CCDC91: variants seen among roughly 807,000 people sequenced by gnomAD.
CCDC91 encodes the protein coiled-coil domain-containing protein 91.
CCDC91 carries 48 observed loss-of-function variants against 63.2 expected under a neutral mutation model. The observed-to-expected ratio is 0.76, with a 90% CI of 0.60 to 0.97. CCDC91 has a LOEUF of 0.97. Among genes scored for constraint, CCDC91 ranks in the 50% least tolerant of loss-of-function variants. The probability of loss-of-function intolerance (pLI) is 0.00; values close to 1 mark genes in which losing one functional copy is unlikely to be tolerated. For synonymous variants in CCDC91, 167 were observed against 165.8 expected (o/e 1.01, Z -0.06); for missense variants, 500 against 494.6 (o/e 1.01, Z -0.10).
rs1458001801 is a variant in CCDC91 at position 28,442,303 on chromosome 12, A to G, written c.763-7858A>G. 5.9e-5 allele frequency among the ~76,000 whole-genome samples: 9 copies of G among 152,136 alleles called. No homozygotes were observed. The South Asian group carries it at 8.3e-4, about 14-fold the overall frequency. ...TCAGGCATTCATGAAAATTCGTGAC[A>G]TATTTTACTTAGAACCACATTGTTA... On this transcript the variant is annotated intron_variant, in intron 8 of 12. Transcript: ENST00000536442.
Position 28,372,496 on chromosome 12 carries a change from CTTTTTT to C in CCDC91, c.654+9984_654+9989del, listed in dbSNP as rs1157606240. Among the ~76,000 whole-genome samples the C allele has an allele frequency of 6.7e-3, 1,017 of 151,910 alleles. 14 individuals are homozygous for C. The highest frequency in any genetic ancestry group is 0.023 in the African/African-American group (941 of 41,444). On this transcript the variant is annotated intron_variant, in intron 7 of 12. Coordinates refer to ENST00000536442, the MANE Select transcript of CCDC91 (RefSeq NM_018318.5). Reference sequence around the variant, plus strand: ...TTCTCATTTGTTTGTGTCATTAATGCTTTTTTTTAAAATTTTTTAGCAGTGTTTTGT... The same window carrying C: ...TTCTCATTTGTTTGTGTCATTAATGCTTAAAATTTTTTAGCAGTGTTTTGT...
intron 1 of CCDC91, among the ~76,000 whole-genome samples, chr12:28,218,445 C>T (rs565486197): frequency 7.0e-6 from 1 of 143,166 alleles, no homozygotes; most frequent in South Asian, 2.3e-4. Context: ...AATAACTCCT[C>T]AAGCTGGAAG....
At chr12:28,229,113 T>C (rs1199072917) in intron 1 of CCDC91, among the ~76,000 whole-genome samples, 1 of 151,938 alleles carries the variant, frequency 6.6e-6, no homozygotes, top group East Asian at 1.9e-4. Context: ...AATCAAACTG[T>C]ATTATGGGCA....
chr12:28,264,619 G>GTGTA (rs1314836532), intron 3 of CCDC91, among the ~76,000 whole-genome samples: 32 of 150,628 alleles, frequency 2.1e-4, no homozygotes, highest in African/African-American at 7.1e-4. Flanking sequence ...GTGTGTGTGT[G>GTGTA]TATTCTGATT....
intron 4 of CCDC91, 80 bp downstream of exon 4, chr12:28,305,886 C>G: frequency 1.7e-6 from 2 of 1,194,362 alleles, no homozygotes; most frequent in Non-Finnish European, 2.4e-6. Context: ...TTTTTAATTT[C>G]TTTTTTAGCC....
At chr12:28,451,616 G>A (rs1229813928) in intron 10 of CCDC91, among the ~76,000 whole-genome samples, 1 of 151,588 alleles carries the variant, frequency 6.6e-6, no homozygotes, top group Non-Finnish European at 1.5e-5. Flanking sequence ...TCAGCATCTG[G>A]AGAAGACATG....
chr12:28,500,833 C>G (rs1255244022), intron 12 of CCDC91, among the ~76,000 whole-genome samples: 2 of 151,662 alleles, frequency 1.3e-5, no homozygotes, highest in African/African-American at 2.4e-5. Flanking sequence ...TGCCCTCCCC[C>G]TATTATCTCT....
intron 2 of CCDC91, among the ~76,000 whole-genome samples, chr12:28,257,802 A>C (rs544611023): frequency 2.0e-5 from 3 of 152,112 alleles, no homozygotes; most frequent in Non-Finnish European, 4.4e-5. Context: ...ATGTGTGTTC[A>C]TTTTATTGAA....
At chr12:28,495,827 C>A (rs562319098) in intron 12 of CCDC91, among the ~76,000 whole-genome samples, 1 of 151,702 alleles carries the variant, frequency 6.6e-6, no homozygotes, top group Non-Finnish European at 1.5e-5. Flanking sequence ...AATGTTGGGC[C>A]ACTGAAAGTC....
At chr12:28,352,149 T>C (rs1311994101) in intron 6 of CCDC91, among the ~76,000 whole-genome samples, 1 of 152,244 alleles carries the variant, frequency 6.6e-6, no homozygotes, top group African/African-American at 2.4e-5. Flanking sequence ...AAAATGCTTA[T>C]TGCTAAAACA....
chr12:28,400,240 A>G (rs1358285766), intron 8 of CCDC91, among the ~76,000 whole-genome samples: 1 of 152,090 alleles, frequency 6.6e-6, no homozygotes, highest in African/African-American at 2.4e-5. Flanking sequence ...TGGGGCTTGC[A>G]CCTTCTGAAG....
chr12:28,273,753 C>T (rs1416008248), intron 3 of CCDC91, among the ~76,000 whole-genome samples: 21 of 152,014 alleles, frequency 1.4e-4, no homozygotes, highest in East Asian at 5.8e-4. Context: ...CTTTGTCAGA[C>T]GAGTAGATTG....
At chr12:28,525,472 A>G (rs1391216082) in intron 12 of CCDC91, among the ~76,000 whole-genome samples, 1 of 152,128 alleles carries the variant, frequency 6.6e-6, no homozygotes, top group Non-Finnish European at 1.5e-5. Flanking sequence ...AGTGCTTGAT[A>G]TAATTTCAAT....
chr12:28,448,441 G>A (rs1431668558), intron 8 of CCDC91, among the ~76,000 whole-genome samples: 1 of 152,110 alleles, frequency 6.6e-6, no homozygotes, highest in Non-Finnish European at 1.5e-5. Flanking sequence ...TTTCAGGTTT[G>A]TTCTTACACA....
Position 28,275,551 on chromosome 12 carries a change from G to A in CCDC91, c.109+16109G>A, listed in dbSNP as rs183064720. 5.3e-5 allele frequency among the ~76,000 whole-genome samples: 8 copies of A among 152,036 alleles called. No homozygotes were observed. The East Asian group carries it at 1.4e-3, about 26-fold the overall frequency. On this transcript the variant is annotated intron_variant, in intron 3 of 12. Transcript: ENST00000536442. Reference sequence around the variant, plus strand: ...GAATTCTACCAGAGGTACAAGGAGGGGCTGATACCATTCCTTCTGAAACTA... The same window carrying A: ...GAATTCTACCAGAGGTACAAGGAGGAGCTGATACCATTCCTTCTGAAACTA...
intron 6 of CCDC91, among the ~76,000 whole-genome samples, chr12:28,310,906 C>G (rs1939254602): frequency 6.6e-6 from 1 of 151,964 alleles, no homozygotes; most frequent in African/African-American, 2.4e-5. Context: ...AAAATGTCAT[C>G]TCAGTGTTAC....
chr12:28,355,166 C>T (rs1468051215), intron 6 of CCDC91, among the ~76,000 whole-genome samples: 1 of 152,030 alleles, frequency 6.6e-6, no homozygotes, highest in Non-Finnish European at 1.5e-5. Context: ...CCTTTCAAGG[C>T]TCCATGCCTT....
intron 12 of CCDC91, among the ~76,000 whole-genome samples, chr12:28,488,840 T>A (rs1307864003): frequency 6.6e-6 from 1 of 151,964 alleles, no homozygotes; most frequent in Non-Finnish European, 1.5e-5. Context: ...TATTGTATTT[T>A]ATTAAAATGT....
chr12:28,497,702 T>A (rs549892829), intron 12 of CCDC91, among the ~76,000 whole-genome samples: 3 of 151,658 alleles, frequency 2.0e-5, no homozygotes, highest in Non-Finnish European at 4.4e-5. Context: ...AATTTTTGCA[T>A]GTATAATGTG....
Sources: allele counts gnomAD v4.1 joint callset (sites outside exome capture counted in the v4.1 genomes callset), GRCh38; gene constraint gnomAD v4.1.1; transcripts MANE v1.5; gene names NCBI Gene and HGNC (gene_info 2026-07-23, HGNC 2026-07-21).